STYXL1: variants seen among roughly 807,000 people sequenced by gnomAD.
STYXL1 encodes the protein serine/threonine/tyrosine-interacting-like protein 1.
Under a neutral mutation model 36.4 loss-of-function variants are expected in STYXL1, and 32 were observed. That is an observed-to-expected ratio of 0.88 (90% confidence interval 0.66 to 1.18). STYXL1 has a LOEUF of 1.18. STYXL1 is among the 50% of genes most tolerant of loss of function. STYXL1 has a pLI of 0.00. For synonymous variants in STYXL1, 133 were observed against 144.1 expected, an observed-to-expected ratio of 0.92 and a Z score of 0.55; for missense variants, 354 against 394.1, an observed-to-expected ratio of 0.90 and a Z score of 0.86.
intron 2 of STYXL1, among the ~76,000 whole-genome samples, chr7:76,029,449 T>C (rs1795084814): frequency 6.6e-6 from 1 of 152,066 alleles, no homozygotes; most frequent in Non-Finnish European, 1.5e-5. Flanking sequence ...ACCTGGCCTC[T>C]TAACAGCTTT....
At chr7:76,009,923 C>T (rs1792349397) in intron 5 of STYXL1, among the ~76,000 whole-genome samples, 1 of 152,196 alleles carries the variant, frequency 6.6e-6, no homozygotes, top group Admixed American at 6.6e-5. Flanking sequence ...AGCCACAACC[C>T]TGCGCCTTCT....
At chr7:76,016,501 A>T (rs760913059) in intron 4 of STYXL1, among the ~76,000 whole-genome samples, 2 of 152,038 alleles carry the variant, frequency 1.3e-5, no homozygotes, top group Non-Finnish European at 2.9e-5. Context: ...ATAAAAACAC[A>T]CACACATATA....
At chr7:76,030,897 A>G (rs1303594485) in intron 1 of STYXL1, among the ~76,000 whole-genome samples, 1 of 150,472 alleles carries the variant, frequency 6.6e-6, no homozygotes, top group Non-Finnish European at 1.5e-5. Flanking sequence ...GTGGTGGCTC[A>G]CACCTGTAAT....
At chr7:76,014,616 G>C (rs554572596) in intron 4 of STYXL1, among the ~76,000 whole-genome samples, 67 of 152,094 alleles carry the variant, frequency 4.4e-4, no homozygotes, top group African/African-American at 1.2e-3. Context: ...GCCTCCCAGA[G>C]TGCTGAGATT....
At chr7:76,043,147 G>A (rs1193151651) in intron 1 of STYXL1, among the ~76,000 whole-genome samples, 1 of 152,100 alleles carries the variant, frequency 6.6e-6, no homozygotes, top group African/African-American at 2.4e-5. Flanking sequence ...TATTTTATTA[G>A]TATTGCTTTT....
intron 1 of STYXL1, among the ~76,000 whole-genome samples, chr7:76,039,172 G>C (rs1271710385): frequency 6.7e-6 from 1 of 148,794 alleles, no homozygotes; most frequent in African/African-American, 2.6e-5. Context: ...TCCTGACCTC[G>C]TGATCCACCC....
chr7:76,005,855 GGAGAGAGGAGGAA>G (rs879992325), intron 5 of STYXL1, among the ~76,000 whole-genome samples: 6 of 34,758 alleles, frequency 1.7e-4, no homozygotes, highest in African/African-American at 6.8e-4. Flanking sequence ...AGAGAGAGGA[GGAGAGAGGAGGAA>G]GAGAGAGGAG....
At chr7:76,016,876 A>C (rs1264396020) in intron 4 of STYXL1, among the ~76,000 whole-genome samples, 1 of 152,164 alleles carries the variant, frequency 6.6e-6, no homozygotes, top group East Asian at 1.9e-4. Flanking sequence ...CAGCAATCCC[A>C]TTACTATGTA....
At chr7:76,032,119 T>C (rs1554579527) in intron 1 of STYXL1, among the ~76,000 whole-genome samples, 2 of 152,024 alleles carry the variant, frequency 1.3e-5, no homozygotes, top group Non-Finnish European at 2.9e-5. Flanking sequence ...TAGCTGGGCA[T>C]GGTGGTATAC....
chr7:76,041,025 C>T (rs148284958), intron 1 of STYXL1, among the ~76,000 whole-genome samples: 153 of 151,348 alleles, frequency 1.0e-3, no homozygotes, highest in African/African-American at 3.4e-3. Context: ...CTCCAGGGAT[C>T]CAAAAGGAGC....
At chr7:75,998,934 C>A (rs558186774) in intron 8 of STYXL1, 1 of 152,350 alleles carries the variant, frequency 6.6e-6, no homozygotes, top group South Asian at 2.1e-4. Flanking sequence ...AAGACACAGA[C>A]TGCCAAAACT....
intron 8 of STYXL1, among the ~76,000 whole-genome samples, chr7:75,998,002 A>C (rs542217968): frequency 4.6e-4 from 70 of 152,222 alleles, no homozygotes; most frequent in Non-Finnish European, 9.6e-4. Context: ...AATATTATTA[A>C]GATGCCAATA....
intron 4 of STYXL1, among the ~76,000 whole-genome samples, chr7:76,018,113 C>T (rs1793623508): frequency 6.6e-6 from 1 of 151,876 alleles, no homozygotes; most frequent in African/African-American, 2.4e-5. Flanking sequence ...GCAATCCTCC[C>T]ACCTCAGCCC....
chr7:76,010,007 C>T (rs143910244), intron 5 of STYXL1, among the ~76,000 whole-genome samples: 52 of 152,238 alleles, frequency 3.4e-4, no homozygotes, highest in African/African-American at 1.2e-3. Context: ...CATACCGGGC[C>T]TTTTAAATAT....
chr7:76,030,055 AG>A (rs1267663701), intron 2 of STYXL1, among the ~76,000 whole-genome samples: 4 of 151,692 alleles, frequency 2.6e-5, no homozygotes, highest in Non-Finnish European at 5.9e-5. Flanking sequence ...GCTGGAATGC[AG>A]TGGCCCAAAT....
At chr7:76,014,387 A>G (rs1554573242) in intron 4 of STYXL1, among the ~76,000 whole-genome samples, 1 of 135,906 alleles carries the variant, frequency 7.4e-6, no homozygotes, top group Non-Finnish European at 1.6e-5. Context: ...ACTGGGCTTC[A>G]CTCCATCTGG....
intron 3 of STYXL1, among the ~76,000 whole-genome samples, chr7:76,025,437 C>T (rs1446833475): frequency 6.6e-6 from 1 of 152,094 alleles, no homozygotes; most frequent in African/African-American, 2.4e-5. Flanking sequence ...GAATAGAGGC[C>T]CATACATCAT....
At chr7:75,999,343 C>T (rs531275440) in intron 8 of STYXL1, among the ~76,000 whole-genome samples, 6 of 152,138 alleles carry the variant, frequency 3.9e-5, no homozygotes, top group African/African-American at 1.2e-4. Context: ...TGGTGGTTCC[C>T]ACGGGGCGAT....
intron 4 of STYXL1, among the ~76,000 whole-genome samples, chr7:76,019,212 AGT>A (rs1165549989): frequency 6.6e-6 from 1 of 152,078 alleles, no homozygotes; most frequent in East Asian, 1.9e-4. Flanking sequence ...AAAGAGAAAT[AGT>A]GTGTGGCAGA....
Sources: gnomAD v4.1 joint callset for allele counts (sites outside exome capture counted in the v4.1 genomes callset) on GRCh38, gnomAD v4.1.1 for gene constraint, MANE v1.5 for transcripts, NCBI Gene and HGNC (gene_info 2026-07-23, HGNC 2026-07-21) for gene names.